ERCC6L2: variants seen among roughly 807,000 people sequenced by gnomAD.
ERCC6L2 encodes DNA excision repair protein ERCC-6-like 2.
A neutral mutation model predicts 132.0 loss-of-function variants in ERCC6L2; 77 were observed. The observed-to-expected ratio is 0.58, with a 90% CI of 0.49 to 0.71. The LOEUF (loss-of-function observed/expected upper bound fraction) is 0.71, where lower values mean the gene tolerates loss of function less well. Ranked by LOEUF, ERCC6L2 falls within the 30% of genes least tolerant of loss-of-function variation. The pLI is 0.00. For synonymous variants in ERCC6L2, 583 were observed against 632.4 expected (o/e 0.92, Z 1.17); for missense variants, 1,542 against 1,837.6 (o/e 0.84, Z 2.94).
chr9:95,916,329 C>T lies in ERCC6L2; in HGVS notation c.1053C>T (p.Ala351=), dbSNP rs1439835852. ...QRHTATKREL[A]TGRKAMQRLA... Reference sequence around the variant, plus strand: ...ACACGGCAACAAAGAGAGAACTAGCCACTGGCCGAAAGGCCATGCAAAGAC... The same window carrying T: ...ACACGGCAACAAAGAGAGAACTAGCTACTGGCCGAAAGGCCATGCAAAGAC... Residue 351 remains alanine (A), a synonymous_variant, in exon 6 of 19, where the codon GCC becomes GCT. Transcript: ENST00000653738. 13 of 1,613,858 alleles carry T rather than the reference C, an allele frequency of 8.1e-6. No individual in the cohort carries two copies. In the Admixed American group the frequency reaches 2.2e-4, roughly 27 times the overall value.
chr9:95,971,833 A>C, intron 15 of ERCC6L2, 100 bp from the exon 16 acceptor site: 1 of 561,952 alleles, frequency 1.8e-6, no homozygotes, highest in Non-Finnish European at 2.7e-6. Flanking sequence ...TAAGTGATAT[A>C]CTTGTACCTA....
chr9:95,902,073 G>A (rs1360011614), intron 3 of ERCC6L2, among the ~76,000 whole-genome samples: 2 of 152,130 alleles, frequency 1.3e-5, no homozygotes, highest in Non-Finnish European at 2.9e-5. Context: ...ACAAATTAAG[G>A]AGTGGTGGGT....
chr9:95,881,124 C>T lies in ERCC6L2; in HGVS notation c.302C>T (p.Ser101Leu), dbSNP rs200286500. ...TATTTCCCAAACCGAAAATTTCCAT[C>T]ATCTTCTGTTGCTTTTAAATTATCT... ...KPYFPNRKFP[S>L]SSVAFKLSDN... is the part of the protein sequence containing the mutation. Residue 101 changes from serine (S) to leucine (L), a missense_variant, in exon 2 of 19, where the codon TCA becomes TTA. Around this residue, in one of 4 missense-constraint regions of ERCC6L2, gnomAD observed 153 missense variants for 132.3 expected, o/e 1.16. Transcript: ENST00000653738. The T allele has an allele frequency of 1.7e-5, 28 of 1,613,542 alleles. No homozygotes were observed. Among genetic ancestry groups the T allele is most frequent in the Non-Finnish European group, 2.2e-5 (26 of 1,179,886 alleles).
Position 95,892,424 on chromosome 9 carries a change from C to CTT in ERCC6L2, c.472-5407_472-5406dup, listed in dbSNP as rs532088236. Among the ~76,000 whole-genome samples the CTT allele has an allele frequency of 3.1e-3, 357 of 115,070 alleles. 4 individuals are homozygous for CTT. Among genetic ancestry groups the CTT allele is most frequent in the African/African-American group, 7.1e-3 (218 of 30,690 alleles). 75.5% of individuals were successfully genotyped at this position (115,070 alleles called of 152,430 possible). The stretch of plus-strand genomic sequence containing the variant: ...AAGTTTCTCGGTGAAGTGTATAAAT[C>CTT]TTTTTTTTTTTTTTTTTTTGAGGCA... On this transcript the variant is annotated intron_variant, in intron 2 of 18. Coordinates refer to ENST00000653738, the MANE Select transcript of ERCC6L2 (RefSeq NM_020207.7).
chr9:95,964,320 G>A (rs539093922), intron 13 of ERCC6L2, among the ~76,000 whole-genome samples: 7 of 152,242 alleles, frequency 4.6e-5, no homozygotes, highest in African/African-American at 1.7e-4. Flanking sequence ...GAACCCATTA[G>A]GGTGGCTTCT....
chr9:95,934,789 C>T (rs1477217074), intron 11 of ERCC6L2, among the ~76,000 whole-genome samples: 3 of 152,050 alleles, frequency 2.0e-5, no homozygotes, highest in Non-Finnish European at 4.4e-5. Flanking sequence ...ATATAAGTAC[C>T]TCTAGGTAGT....
rs1427353829 is a variant in ERCC6L2, at chr9:96,017,723, G to C, written c.*4520G>C. On this transcript the variant is annotated 3_prime_UTR_variant, in exon 19 of 19. Transcript: ENST00000653738. ...CCAGCGCCCCCCATCTCTGTATGCA[G>C]CTGAGCTCATGATGGAGCCCACTGT... 6.6e-6 allele frequency among the ~76,000 whole-genome samples: 1 copy of C among 152,220 alleles called. No individual in the cohort carries two copies. The highest frequency in any genetic ancestry group is 6.5e-5 in the Admixed American group (1 of 15,280).
intron 19 of ERCC6L2, among the ~76,000 whole-genome samples, chr9:96,024,385 G>A (rs1834334276): frequency 6.6e-6 from 1 of 152,250 alleles, no homozygotes; most frequent in African/African-American, 2.4e-5. Context: ...ATGTATTCAA[G>A]AGAGACCTCA....
chr9:95,957,080 C>T (rs981880183), intron 13 of ERCC6L2, among the ~76,000 whole-genome samples: 4 of 152,006 alleles, frequency 2.6e-5, no homozygotes, highest in Admixed American at 6.6e-5. Flanking sequence ...AGTATTCGTC[C>T]GAAATTGCAT....
intron 4 of ERCC6L2, among the ~76,000 whole-genome samples, chr9:95,913,991 C>T (rs956252015): frequency 6.6e-6 from 1 of 152,120 alleles, no homozygotes; most frequent in African/African-American, 2.4e-5. Context: ...CCTAAGTTTT[C>T]ATTTTTCTTG....
rs1406369209 is a variant in ERCC6L2, at chr9:95,916,210, T to C, written c.951-17T>C. 1.2e-6 allele frequency: 2 copies of C among 1,610,320 alleles called. No homozygotes were observed. The highest frequency in any genetic ancestry group is 1.1e-5 in the South Asian group (1 of 90,840). ...AGATAATAAAGCCCTTACATTTTTC[T>C]TATTGTCTTTATAAAGGGCTGTGCC... On this transcript the variant is annotated splice_polypyrimidine_tract_variant and intron_variant, in intron 5 of 18. Transcript: ENST00000653738.
At chr9:95,970,935 C>G (rs1264160711) in intron 15 of ERCC6L2, among the ~76,000 whole-genome samples, 1 of 151,876 alleles carries the variant, frequency 6.6e-6, no homozygotes, top group Non-Finnish European at 1.5e-5. Context: ...CTAACCCATC[C>G]CAAATAAATA....
At position 95,875,984 on chromosome 9, in the gene ERCC6L2, T is replaced by G. The variant is rs1564184477; in HGVS notation, c.-55T>G. On this transcript the variant is annotated 5_prime_UTR_variant, in exon 1 of 19. Transcript: ENST00000653738. ...CTGCCGGCCAGCCACCTTGCTGTCC[T>G]CCGCCGCCTTCCGGGTGTTACATGC... is the stretch of plus-strand genomic sequence containing the variant. The G allele has an allele frequency of 6.4e-7, 1 of 1,550,942 alleles. No individual in the cohort carries two copies.
intron 11 of ERCC6L2, among the ~76,000 whole-genome samples, chr9:95,938,194 T>C (rs530538174): frequency 6.6e-6 from 1 of 152,188 alleles, no homozygotes; most frequent in African/African-American, 2.4e-5. Context: ...ACATACTCAG[T>C]ATAATACCAT....
intron 4 of ERCC6L2, among the ~76,000 whole-genome samples, chr9:95,912,055 G>A (rs76190041): frequency 0.024 from 3,659 of 152,268 alleles, 65 homozygotes; most frequent in Non-Finnish European, 0.037. Context: ...TGCAGTGGGA[G>A]GATTCTTAAA....
chr9:95,992,087 G>A (rs1833320766), intron 17 of ERCC6L2, among the ~76,000 whole-genome samples: 1 of 152,150 alleles, frequency 6.6e-6, no homozygotes, highest in Non-Finnish European at 1.5e-5. Flanking sequence ...TGTAGAAACA[G>A]AAGAATTCAG....
At chr9:96,039,344 C>A (rs529380253) in intron 20 of ERCC6L2, among the ~76,000 whole-genome samples, 1 of 151,974 alleles carries the variant, frequency 6.6e-6, no homozygotes, top group East Asian at 1.9e-4. Context: ...TTGAATGGGG[C>A]CAGAGGAAAT....
intron 3 of ERCC6L2, among the ~76,000 whole-genome samples, chr9:95,904,514 T>A (rs1327189944): frequency 1.3e-5 from 2 of 152,132 alleles, no homozygotes; most frequent in African/African-American, 4.8e-5. Context: ...CAGACCTGGG[T>A]TCAAATACTT....
chr9:95,878,232 T>A (rs1160847033), intron 1 of ERCC6L2, among the ~76,000 whole-genome samples: 1 of 152,202 alleles, frequency 6.6e-6, no homozygotes, highest in Non-Finnish European at 1.5e-5. Context: ...GTCTGGTTGC[T>A]TTTGCATTAC....
Sources: gnomAD v4.1 joint callset for allele counts (sites outside exome capture counted in the v4.1 genomes callset) on GRCh38, gnomAD v4.1.1 for gene constraint, gnomAD v4.1.1 regional missense constraint, MANE v1.5 for transcripts, NCBI Gene and HGNC (gene_info 2026-07-23, HGNC 2026-07-21) for gene names.